The following EYS variants were observed in gnomAD, a reference collection of about 807,000 sequenced individuals.
The protein encoded by EYS is EGF-like photoreceptor maintenance factor, also known as protein eyes shut homolog.
In EYS, 250 loss-of-function variants were observed where a neutral mutation model predicts 282.1. That is an observed-to-expected ratio of 0.89 (90% CI 0.80 to 0.98). EYS has a LOEUF of 0.98. Among genes scored for constraint, EYS ranks in the 50% least tolerant of loss-of-function variants. The pLI, the probability that EYS is intolerant of heterozygous loss-of-function variation, is 0.00. For missense variants in EYS, 4,016 were observed against 3,709.0 expected (o/e 1.08, Z -2.15); for synonymous variants, 1,355 against 1,282.9 (o/e 1.06, Z -1.20).
intron 12 of EYS, among the ~76,000 whole-genome samples, chr6:65,104,504 GT>G (rs1207127561): frequency 6.6e-6 from 1 of 151,356 alleles, no homozygotes; most frequent in Admixed American, 6.6e-5. Context: ...ATGTTGAAAA[GT>G]TTTTAAAATG....
Position 64,729,751 on chromosome 6 carries a change from AT to A in EYS, c.3443+83626del, listed in dbSNP as rs35775099. On this transcript the variant is annotated intron_variant, in intron 22 of 42. Transcript: ENST00000503581. ...ACCTAATACATGCCAATGAGTTTTG[AT>A]TTTTTTTTTACACAATGTTATTATG... 4.7e-3 allele frequency among the ~76,000 whole-genome samples: 706 copies of A among 150,446 alleles called. 14 individuals carry two copies. The highest frequency in any genetic ancestry group is 0.04 in the Admixed American group (609 of 15,068).
intron 31 of EYS, among the ~76,000 whole-genome samples, chr6:64,222,763 A>C (rs1007281868): frequency 1.3e-5 from 2 of 152,040 alleles, no homozygotes; most frequent in African/African-American, 4.8e-5. Context: ...ATCAGAAAAA[A>C]TAGCCATATT....
In EYS at chr6:63,882,266, C is replaced by G. The variant is rs58675770; in HGVS notation, c.7056-17908G>C. Among the ~76,000 whole-genome samples, 1,281 of 152,250 alleles carry G rather than the reference C, an allele frequency of 8.4e-3. 13 individuals carry two copies. Among genetic ancestry groups the G allele is most frequent in the African/African-American group, 0.029 (1,185 of 41,548 alleles). ...ACAGACTATTTAAGGGATACTTTGT[C>G]TTATTACAAAAGTTGTCACTCAAGT... On this transcript the variant is annotated intron_variant, in intron 35 of 42. Transcript: ENST00000503581.
At chr6:65,395,600 G>C (rs1439569401) in intron 7 of EYS, among the ~76,000 whole-genome samples, 4 of 152,090 alleles carry the variant, frequency 2.6e-5, no homozygotes, top group African/African-American at 9.7e-5. Flanking sequence ...TTTAGCTATA[G>C]TCATTACCTT....
intron 33 of EYS, among the ~76,000 whole-genome samples, chr6:64,030,378 T>G (rs568311459): frequency 6.6e-6 from 1 of 152,216 alleles, no homozygotes; most frequent in Non-Finnish European, 1.5e-5. Flanking sequence ...TCGACCCATA[T>G]CTGCCTCTCA....
At chr6:64,917,407 A>G (rs1279529650) in intron 15 of EYS, among the ~76,000 whole-genome samples, 1 of 152,206 alleles carries the variant, frequency 6.6e-6, no homozygotes, top group Non-Finnish European at 1.5e-5. Flanking sequence ...TATTTTGTAT[A>G]TTAAGGCATA....
intron 24 of EYS, among the ~76,000 whole-genome samples, chr6:64,612,584 T>C (rs1464523689): frequency 6.6e-6 from 1 of 152,110 alleles, no homozygotes; most frequent in Admixed American, 6.6e-5. Flanking sequence ...TAATATTCAC[T>C]AATTATCAGC....
At chr6:64,168,660 T>C (rs1477258391) in intron 31 of EYS, among the ~76,000 whole-genome samples, 2 of 152,140 alleles carry the variant, frequency 1.3e-5, no homozygotes, top group Non-Finnish European at 2.9e-5. Context: ...ATACCACATA[T>C]TGTACAATTC....
Position 65,627,914 on chromosome 6 carries a change from G to A in EYS, c.-333+11864C>T, listed in dbSNP as rs561295587. Among the ~76,000 whole-genome samples, 7 of 152,354 alleles carry A rather than the reference G, an allele frequency of 4.6e-5. No individual in the cohort carries two copies. The East Asian group carries it at 1.2e-3, about 25-fold the overall frequency. On this transcript the variant is annotated intron_variant, in intron 2 of 42. Coordinates refer to ENST00000503581, the MANE Select transcript of EYS (RefSeq NM_001142800.2). Reference sequence around the variant, plus strand: ...GCCCAGTCCCATCGACCACCCAAGGGCTGAGGAATGCGAGCGCACGGCGCA... The same window carrying A: ...GCCCAGTCCCATCGACCACCCAAGGACTGAGGAATGCGAGCGCACGGCGCA...
At chr6:65,110,116 T>C (rs2150188465) in intron 12 of EYS, among the ~76,000 whole-genome samples, 1 of 152,276 alleles carries the variant, frequency 6.6e-6, no homozygotes, top group South Asian at 2.1e-4. Context: ...AAACCCTTTA[T>C]ATCATGTTTT....
intron 31 of EYS, among the ~76,000 whole-genome samples, chr6:64,216,122 G>A (rs777666669): frequency 1.3e-5 from 2 of 152,152 alleles, no homozygotes; most frequent in Non-Finnish European, 2.9e-5. Flanking sequence ...ACACATGTCA[G>A]ATAAATAAAT....
chr6:64,507,893 G>A (rs533023053), intron 26 of EYS, among the ~76,000 whole-genome samples: 5 of 152,134 alleles, frequency 3.3e-5, no homozygotes, highest in Admixed American at 2.0e-4. Flanking sequence ...AGAAAGAATG[G>A]ACTCACAGGC....
chr6:64,194,520 A>G (rs954698931), intron 31 of EYS, among the ~76,000 whole-genome samples: 21 of 152,168 alleles, frequency 1.4e-4, no homozygotes, highest in Admixed American at 7.2e-4. Flanking sequence ...CATGACTTAC[A>G]TATTATTGAA....
At chr6:64,701,398 G>C (rs986058660) in intron 22 of EYS, among the ~76,000 whole-genome samples, 3 of 152,054 alleles carry the variant, frequency 2.0e-5, no homozygotes, top group South Asian at 2.1e-4. Flanking sequence ...CAGACAACTT[G>C]CAGAATGGGA....
intron 12 of EYS, among the ~76,000 whole-genome samples, chr6:65,127,022 A>T (rs527277079): frequency 1.3e-5 from 2 of 152,264 alleles, no homozygotes; most frequent in East Asian, 3.9e-4. Flanking sequence ...GGCAATTGAT[A>T]GAAAAAGGAA....
chr6:65,539,687 A>T (rs1456284625), intron 2 of EYS, among the ~76,000 whole-genome samples: 4 of 152,200 alleles, frequency 2.6e-5, no homozygotes, highest in African/African-American at 9.7e-5. Flanking sequence ...TCACGGTCTG[A>T]TGAAGCTTCG....
chr6:65,240,227 C>G (rs6905807), intron 12 of EYS, among the ~76,000 whole-genome samples: 47,980 of 151,876 alleles, frequency 0.32, 8,427 homozygotes, highest in African/African-American at 0.47. Flanking sequence ...CTTGGCCTCC[C>G]AAAGTGCTGG....
At chr6:64,699,243 T>A (rs1770697344) in intron 22 of EYS, among the ~76,000 whole-genome samples, 1 of 152,122 alleles carries the variant, frequency 6.6e-6, no homozygotes, top group Non-Finnish European at 1.5e-5. Context: ...AAATACCACA[T>A]GTTCTTTCTT....
intron 2 of EYS, among the ~76,000 whole-genome samples, chr6:65,539,301 T>C (rs1466128204): frequency 1.3e-5 from 2 of 152,202 alleles, no homozygotes; most frequent in Non-Finnish European, 1.5e-5. Flanking sequence ...ACGAAGTTCT[T>C]CTGCCATCTT....
Sources: allele counts gnomAD v4.1 joint callset (sites outside exome capture counted in the v4.1 genomes callset), GRCh38; gene constraint gnomAD v4.1.1; transcripts MANE v1.5; gene names NCBI Gene and HGNC (gene_info 2026-07-23, HGNC 2026-07-21).